Variants in AXDND1 observed in about 807,000 individuals in gnomAD.
AXDND1 encodes the protein axonemal dynein light chain domain-containing protein 1.
Under a neutral mutation model 137.5 loss-of-function variants are expected in AXDND1, and 110 were observed. That is an observed-to-expected ratio of 0.80 (90% CI 0.69 to 0.94). The LOEUF (loss-of-function observed/expected upper bound fraction) is 0.94. Ranked by LOEUF, AXDND1 falls within the 40% of genes least tolerant of loss-of-function variation. The probability of loss-of-function intolerance (pLI) is 0.00; values close to 1 mark genes in which losing one functional copy is unlikely to be tolerated. For missense variants in AXDND1, 1,191 were observed against 1,169.8 expected (o/e 1.02, Z -0.26); for synonymous variants, 414 against 399.7 (o/e 1.04, Z -0.43).
chr1:179,412,268 T>C lies in AXDND1; in HGVS notation c.1230+1002T>C, dbSNP rs1209755752. ...TAGCAAAGTCACACAATATTCTATATTTCTAAAATATTTACTTGTTGGTTG... is the reference window on the plus strand; with the variant it reads ...TAGCAAAGTCACACAATATTCTATACTTCTAAAATATTTACTTGTTGGTTG... On this transcript the variant is annotated intron_variant, in intron 12 of 25. Transcript: ENST00000367618. Among the ~76,000 whole-genome samples, 9 of 152,306 alleles carry C rather than the reference T, an allele frequency of 5.9e-5. No homozygotes were observed. In the East Asian group the frequency reaches 1.7e-3, roughly 29 times the overall value.
intron 6 of AXDND1, among the ~76,000 whole-genome samples, chr1:179,382,079 A>T (rs992991089): frequency 7.1e-6 from 1 of 140,364 alleles, no homozygotes; most frequent in Non-Finnish European, 1.5e-5. Context: ...CCAGCCCTTT[A>T]TTTTTATTTT....
At chr1:179,393,060 G>A (rs1463007471) in intron 9 of AXDND1, among the ~76,000 whole-genome samples, 1 of 152,134 alleles carries the variant, frequency 6.6e-6, no homozygotes, top group African/African-American at 2.4e-5. Context: ...CCAATGTCTA[G>A]AAGAGTTTTT....
In AXDND1 at chr1:179,501,709, TAAAAC is replaced by T. The variant is rs533471416; in HGVS notation, c.2389-7569_2389-7565del. 1.4e-4 allele frequency among the ~76,000 whole-genome samples: 21 copies of T among 151,928 alleles called. 2 individuals carry two copies. In the East Asian group the frequency reaches 2.5e-3, roughly 18 times the overall value. ...TGGGCGACAGAGTGAGACTGTGTCTTAAAACAAAACAAAACAAAACAACAACAAAA... is the reference window on the plus strand; with the variant it reads ...TGGGCGACAGAGTGAGACTGTGTCTTAAAACAAAACAAAACAACAACAAAA... On this transcript the variant is annotated intron_variant, in intron 20 of 25. Coordinates refer to ENST00000367618, the MANE Select transcript of AXDND1 (RefSeq NM_144696.6).
At position 179,525,393 on chromosome 1, in the gene AXDND1, A is replaced by C. The variant is rs764236575; in HGVS notation, c.2556A>C (p.Glu852Asp). ...ACGAGTCTTTTAAAGAAGATGAAGA[A>C]GAAAGTAAGGAGGATAGGAAACTTC... is the stretch of plus-strand genomic sequence containing the variant. ...EIDESFKEDEEESKEDRKLQE... is the reference protein window; with the variant it reads ...EIDESFKEDEDESKEDRKLQE... The change falls in exon 22 of 26, where the codon GAA becomes GAC. Residue 852 changes from glutamate (E) to aspartate (D), a missense_variant. By Grantham distance (45) the Glu-to-Asp change is conservative. Transcript: ENST00000367618. 2.5e-6 allele frequency: 4 copies of C among 1,612,554 alleles called. No individual in the cohort carries two copies. The highest frequency in any genetic ancestry group is 3.4e-6 in the Non-Finnish European group (4 of 1,179,026).
intron 16 of AXDND1, among the ~76,000 whole-genome samples, chr1:179,465,533 C>G (rs555667007): frequency 5.9e-5 from 9 of 152,382 alleles, no homozygotes; most frequent in East Asian, 5.8e-4. Context: ...TTGGCCCCTA[C>G]TGGGAGGTGT....
rs533368488 is a variant in AXDND1, at chr1:179,503,167, A to G, written c.2389-6129A>G. Among the ~76,000 whole-genome samples the G allele has an allele frequency of 3.9e-5, 6 of 152,066 alleles. No homozygotes were observed. The South Asian group carries it at 1.2e-3, about 32-fold the overall frequency. On this transcript the variant is annotated intron_variant, in intron 20 of 25. Transcript: ENST00000367618. ...CAAACTGGAAACAACTCAAATGTCC[A>G]TAAATAGTAGAATAAATATTATGAA...
chr1:179,547,762 G>T (rs1434299920), intron 25 of AXDND1, among the ~76,000 whole-genome samples: 1 of 152,020 alleles, frequency 6.6e-6, no homozygotes, highest in Non-Finnish European at 1.5e-5. Flanking sequence ...GATCTGTCTT[G>T]CCAAGGCAAA....
intron 17 of AXDND1, among the ~76,000 whole-genome samples, chr1:179,470,061 C>G (rs989935708): frequency 6.6e-6 from 1 of 152,130 alleles, no homozygotes; most frequent in Non-Finnish European, 1.5e-5. Context: ...GTTGTACCAG[C>G]ACCATTTGTT....
intron 15 of AXDND1, among the ~76,000 whole-genome samples, chr1:179,433,864 A>G (rs1306376886): frequency 2.0e-5 from 3 of 152,206 alleles, no homozygotes; most frequent in Admixed American, 2.0e-4. Flanking sequence ...GTAGATGTCT[A>G]TTAGATCTAC....
At chr1:179,426,043 G>T (rs576660729) in intron 12 of AXDND1, among the ~76,000 whole-genome samples, 168 of 152,032 alleles carry the variant, frequency 1.1e-3, no homozygotes, top group South Asian at 2.1e-3. Context: ...TACCATGTTG[G>T]TCAGGCTGGT....
At chr1:179,388,738 C>A (rs1649613044) in intron 9 of AXDND1, among the ~76,000 whole-genome samples, 1 of 150,126 alleles carries the variant, frequency 6.7e-6, no homozygotes, top group African/African-American at 2.5e-5. Flanking sequence ...CAGGCACACA[C>A]CACCATGCCT....
chr1:179,438,233 G>A (rs1228483984), intron 15 of AXDND1, among the ~76,000 whole-genome samples: 1 of 151,934 alleles, frequency 6.6e-6, no homozygotes. Context: ...CCGGCAAATC[G>A]GCTTTCACAA....
intron 12 of AXDND1, among the ~76,000 whole-genome samples, chr1:179,416,823 G>A (rs1204415978): frequency 6.6e-6 from 1 of 152,164 alleles, no homozygotes; most frequent in Non-Finnish European, 1.5e-5. Context: ...TACCTGTCTT[G>A]TGGCTACCCT....
At chr1:179,541,136 C>A (rs1672093692) in intron 25 of AXDND1, among the ~76,000 whole-genome samples, 1 of 152,214 alleles carries the variant, frequency 6.6e-6, no homozygotes, top group Admixed American at 6.5e-5. Context: ...CCCGCTGAGC[C>A]AGGCACCAGA....
intron 20 of AXDND1, among the ~76,000 whole-genome samples, chr1:179,494,790 C>T (rs73036771): frequency 0.11 from 16,296 of 152,130 alleles, 998 homozygotes; most frequent in African/African-American, 0.14. Context: ...ATAACAACAT[C>T]ATAAAGATTT....
chr1:179,531,180 A>G (rs920992868), intron 23 of AXDND1, among the ~76,000 whole-genome samples: 5 of 152,128 alleles, frequency 3.3e-5, no homozygotes, highest in African/African-American at 1.2e-4. Context: ...TGTGGGGGCC[A>G]CAGGACTACC....
At chr1:179,482,128 T>G (rs1665489441) in intron 17 of AXDND1, among the ~76,000 whole-genome samples, 1 of 126,760 alleles carries the variant, frequency 7.9e-6, no homozygotes, top group Non-Finnish European at 1.7e-5. Context: ...TTTTTTTGCC[T>G]TCTTCTATCT....
intron 16 of AXDND1, chr1:179,455,458 G>T (rs1473037591): frequency 6.6e-6 from 1 of 151,602 alleles, no homozygotes; most frequent in Non-Finnish European, 1.5e-5. Context: ...GCCGGGCTTG[G>T]TGGTGGGCGC....
chr1:179,365,946 C>T (rs1373471434), upstream of AXDND1: 1 of 153,220 alleles, frequency 6.5e-6, no homozygotes, highest in East Asian at 1.9e-4. Context: ...CCCTGGGTTT[C>T]TATGACGACA....
Sources: allele counts gnomAD v4.1 joint callset (sites outside exome capture counted in the v4.1 genomes callset), GRCh38; gene constraint gnomAD v4.1.1; transcripts MANE v1.5; gene names NCBI Gene and HGNC (gene_info 2026-07-23, HGNC 2026-07-21).